TOP1: variants seen among roughly 807,000 people sequenced by gnomAD.
The protein encoded by TOP1 is DNA topoisomerase I, also known as DNA topoisomerase 1.
A neutral mutation model predicts 111.1 loss-of-function variants in TOP1; 10 were observed. The ratio of observed to expected loss-of-function variants is 0.09; its 90% CI spans 0.06 to 0.15. The LOEUF is 0.15. TOP1 is among the 10% of genes least tolerant of loss of function. The pLI is 1.00. For synonymous variants in TOP1, 271 were observed against 302.9 expected, an observed-to-expected ratio of 0.89 and a Z score of 1.10; for missense variants, 474 against 926.7, an observed-to-expected ratio of 0.51 and a Z score of 6.34.
intron 2 of TOP1, among the ~76,000 whole-genome samples, chr20:41,051,695 T>G (rs540399662): frequency 9.9e-5 from 15 of 152,104 alleles, no homozygotes; most frequent in Admixed American, 2.0e-4. Context: ...GTTTACTTCC[T>G]TTTTCATAAG....
intron 8 of TOP1, among the ~76,000 whole-genome samples, chr20:41,088,353 T>A (rs1344846152): frequency 6.6e-6 from 1 of 151,662 alleles, no homozygotes; most frequent in East Asian, 1.9e-4. Flanking sequence ...AAAAACAAAA[T>A]TAGCTGGGCG....
chr20:41,081,550 T>C (rs2033788633), intron 7 of TOP1, among the ~76,000 whole-genome samples: 2 of 152,226 alleles, frequency 1.3e-5, no homozygotes, highest in Non-Finnish European at 2.9e-5. Context: ...ACAGAGGCAG[T>C]GTTAACAAGA....
rs2033083742 is a variant in TOP1, at chr20:41,029,270, C to A, written c.34-161C>A. On this transcript the variant is annotated intron_variant, in intron 1 of 20. Transcript: ENST00000361337. The surrounding 1 kb of genome is among the most constrained non-coding windows in gnomAD (Gnocchi z 6.1). ...CTCGCTAGGCCGCGAGCGAGGGCCG[C>A]GAAGTTACAGTTCGAGGCAGGGATG... 6.6e-6 allele frequency among the ~76,000 whole-genome samples: 1 copy of A among 152,042 alleles called. No individual in the cohort carries two copies. The highest frequency in any genetic ancestry group is 1.5e-5 in the Non-Finnish European group (1 of 67,976).
At chr20:41,085,957 A>T (rs753489814) in intron 8 of TOP1, among the ~76,000 whole-genome samples, 1 of 152,290 alleles carries the variant, frequency 6.6e-6, no homozygotes, top group East Asian at 1.9e-4. Context: ...GCCTCTTTCT[A>T]GAGGTCAGAG....
intron 18 of TOP1, among the ~76,000 whole-genome samples, chr20:41,119,382 A>G (rs1367070295): frequency 6.6e-6 from 1 of 152,240 alleles, no homozygotes; most frequent in East Asian, 1.9e-4. Context: ...TGGGAGGTTG[A>G]GGTGGGAGAA....
intron 4 of TOP1, among the ~76,000 whole-genome samples, chr20:41,077,362 GA>G (rs2033740428): frequency 6.6e-6 from 1 of 152,200 alleles, no homozygotes; most frequent in Non-Finnish European, 1.5e-5. Flanking sequence ...ATTTTTAAGG[GA>G]AACCTTTCTC....
At position 41,098,494 on chromosome 20, in the gene TOP1, GT is replaced by G; in HGVS notation, c.975+161del. ...TCTCAAAGTCTAAATTTTCTTAAAG[GT>G]TTTAGTTAGACTGAAAATTGTGAAC... On this transcript the variant is annotated intron_variant, in intron 11 of 20. Transcript: ENST00000361337. This position sits in a 1 kb window ranked among gnomAD's most constrained non-coding sequence, Gnocchi z 5.7. The G allele has an allele frequency of 1.2e-6, 1 of 816,074 alleles. No homozygotes were observed. Among genetic ancestry groups the G allele is most frequent in the Non-Finnish European group, 1.8e-6 (1 of 541,046 alleles). The allele number at this position is 816,074 out of a possible 1,614,324, so 50.6% of individuals were successfully genotyped here.
At position 41,123,104 on chromosome 20, in the gene TOP1, A is replaced by G. The variant is rs1231617988; in HGVS notation, c.2196-91A>G. 2.5e-6 allele frequency: 2 copies of G among 811,320 alleles called. No homozygotes were observed. Among genetic ancestry groups the G allele is most frequent in the Non-Finnish European group, 2.1e-6 (1 of 477,848 alleles). 50.3% of individuals were successfully genotyped at this position (811,320 alleles called of 1,614,324 possible). A position where few individuals can be genotyped will look rare whatever the true frequency, so the allele number is the denominator to read the frequency against. ...TTTGCATCCTCACTAGACAGATGTG[A>G]AAGAGAAGATGGAACATCTGACCCT... On this transcript the variant is annotated intron_variant, in intron 20 of 20. Transcript: ENST00000361337. This position sits in a 1 kb window ranked among gnomAD's most constrained non-coding sequence, Gnocchi z 5.8.
Position 41,029,719 on chromosome 20 carries a change from C to T in TOP1, c.58+264C>T. 1 of 549,640 alleles carries T rather than the reference C, an allele frequency of 1.8e-6. No homozygotes were observed. The allele number at this position is 549,640 out of a possible 1,614,324, so 34.0% of individuals were successfully genotyped here. A position where few individuals can be genotyped will look rare whatever the true frequency, so the allele number is the denominator to read the frequency against. On this transcript the variant is annotated intron_variant, in intron 2 of 20. Transcript: ENST00000361337. The surrounding 1 kb of genome is among the most constrained non-coding windows in gnomAD (Gnocchi z 6.1). Reference sequence around the variant, plus strand: ...CGGGCCTCGGGCGGTCTTTCCGGGCCGGGATTCCTCCCGGGAAAGTCGCCT... The same window carrying T: ...CGGGCCTCGGGCGGTCTTTCCGGGCTGGGATTCCTCCCGGGAAAGTCGCCT...
Position 41,115,542 on chromosome 20 carries a change from C to A in TOP1, c.1707+103C>A. ...AGATGACTTGGGCTCTCCCTTTAGC[C>A]TGGCCTGCTCTGTGGCATCCCATAC... is the stretch of plus-strand genomic sequence containing the variant. On this transcript the variant is annotated intron_variant, in intron 16 of 20. Coordinates refer to ENST00000361337, the MANE Select transcript of TOP1 (RefSeq NM_003286.4). The surrounding 1 kb of genome is among the most constrained non-coding windows in gnomAD (Gnocchi z 6.3). 2.5e-6 allele frequency: 2 copies of A among 808,964 alleles called. No individual in the cohort carries two copies. The highest frequency in any genetic ancestry group is 4.2e-6 in the Non-Finnish European group (2 of 473,200). The allele number at this position is 808,964 out of a possible 1,614,324, so 50.1% of individuals were successfully genotyped here. A position where few individuals can be genotyped will look rare whatever the true frequency, so the allele number is the denominator to read the frequency against.
chr20:41,113,184 A>G (rs2034269911), intron 14 of TOP1, among the ~76,000 whole-genome samples: 2 of 152,226 alleles, frequency 1.3e-5, no homozygotes, highest in Non-Finnish European at 2.9e-5. Context: ...CCATGCAGGT[A>G]TCACCATTAT....
chr20:41,054,722 C>T (rs2033448774), intron 2 of TOP1, among the ~76,000 whole-genome samples: 2 of 152,160 alleles, frequency 1.3e-5, no homozygotes, highest in African/African-American at 4.8e-5. Context: ...GGGCAGAGTC[C>T]TTGTCTGGTG....
Position 41,028,845 on chromosome 20 carries a change from A to G in TOP1, c.-223A>G, listed in dbSNP as rs983424043. Reference sequence around the variant, plus strand: ...CCCAAATGCGAACTTAGGCTGTTACACAACTGCTGGGGTCTGTTCTCGCCG... The same window carrying G: ...CCCAAATGCGAACTTAGGCTGTTACGCAACTGCTGGGGTCTGTTCTCGCCG... On this transcript the variant is annotated 5_prime_UTR_variant, in exon 1 of 21. Transcript: ENST00000361337. The G allele has an allele frequency of 7.0e-5, 37 of 531,420 alleles. No individual in the cohort carries two copies. The East Asian group carries it at 8.1e-4, about 12-fold the overall frequency. The allele number at this position is 531,420 out of a possible 1,614,324, so 32.9% of individuals were successfully genotyped here.
intron 3 of TOP1, chr20:41,073,505 C>T: frequency 1.0e-6 from 1 of 983,310 alleles, no homozygotes; most frequent in Non-Finnish European, 1.2e-6. Context: ...AAGCTAGGAC[C>T]TTATAGCAAG....
At position 41,102,799 on chromosome 20, in the gene TOP1, G is replaced by A. The variant is rs2034084687; in HGVS notation, c.1308+1446G>A. Among the ~76,000 whole-genome samples the A allele has an allele frequency of 6.6e-6, 1 of 152,122 alleles. No individual in the cohort carries two copies. Among genetic ancestry groups the A allele is most frequent in the Non-Finnish European group, 1.5e-5 (1 of 68,044 alleles). Reference sequence around the variant, plus strand: ...GAAAAATAATAGTTTTAGCCCTTAAGGAACTTATAGGCTGGTGGGCAAATC... The same window carrying A: ...GAAAAATAATAGTTTTAGCCCTTAAAGAACTTATAGGCTGGTGGGCAAATC... On this transcript the variant is annotated intron_variant, in intron 13 of 20. Transcript: ENST00000361337. This position sits in a 1 kb window ranked among gnomAD's most constrained non-coding sequence, Gnocchi z 4.0.
intron 17 of TOP1, among the ~76,000 whole-genome samples, chr20:41,117,330 A>G (rs1378113071): frequency 6.7e-6 from 1 of 150,344 alleles, no homozygotes; most frequent in Non-Finnish European, 1.5e-5. Context: ...GTGAGACGCT[A>G]TCTCTAAAAT....
intron 2 of TOP1, among the ~76,000 whole-genome samples, chr20:41,043,184 T>G (rs2033289507): frequency 6.6e-6 from 1 of 152,142 alleles, no homozygotes; most frequent in Admixed American, 6.5e-5. Flanking sequence ...ACTCTGGGAG[T>G]AGGGTCTTAG....
rs2145970344 is a variant in TOP1 at position 41,118,207 on chromosome 20, C to T, written c.1861C>T (p.Arg621Cys). Reference protein sequence around the residue: ...NIPAKILSYNRANRAVAILCN... With the variant: ...NIPAKILSYNCANRAVAILCN... ...CCCAGCGAAGATCCTTTCTTATAAC[C>T]GTGCCAATCGAGCTGTTGCAATTCT... The change falls in exon 18 of 21, where the codon CGT becomes TGT. Residue 621 changes from arginine to cysteine, a missense_variant. Arg to Cys is a radical substitution (Grantham distance 180). Around this residue, in one of 14 missense-constraint regions of TOP1, gnomAD observed 13 missense variants for 56.8 expected, o/e 0.23. Coordinates refer to ENST00000361337, the MANE Select transcript of TOP1 (RefSeq NM_003286.4). The surrounding 1 kb of genome is among the most constrained non-coding windows in gnomAD (Gnocchi z 4.6). 1 of 1,614,070 alleles carries T rather than the reference C, an allele frequency of 6.2e-7. No individual in the cohort carries two copies. Among genetic ancestry groups the T allele is most frequent in the Non-Finnish European group, 8.5e-7 (1 of 1,179,958 alleles).
chr20:41,034,774 G>A lies in TOP1; in HGVS notation c.58+5319G>A, dbSNP rs561637016. Among the ~76,000 whole-genome samples the A allele has an allele frequency of 2.6e-5, 4 of 152,170 alleles. No individual in the cohort carries two copies. Among genetic ancestry groups the A allele is most frequent in the African/African-American group, 7.2e-5 (3 of 41,508 alleles). On this transcript the variant is annotated intron_variant, in intron 2 of 20. Transcript: ENST00000361337. This position sits in a 1 kb window ranked among gnomAD's most constrained non-coding sequence, Gnocchi z 4.0. ...AATATCAACTTTGGCTATCTGTATC[G>A]AAGTTTGTATTAACTGTCTTTATGT... is the stretch of plus-strand genomic sequence containing the variant.
Sources: allele counts gnomAD v4.1 joint callset (sites outside exome capture counted in the v4.1 genomes callset), GRCh38; gene constraint gnomAD v4.1.1; regional missense constraint gnomAD v4.1.1; non-coding constraint Gnocchi (gnomAD v3.1); transcripts MANE v1.5; gene names NCBI Gene and HGNC (gene_info 2026-07-23, HGNC 2026-07-21).